ERBB4: variants seen among roughly 807,000 people sequenced by gnomAD.
The protein encoded by ERBB4 is erb-b2 receptor tyrosine kinase 4.
In ERBB4, 42 loss-of-function variants were observed where a neutral mutation model predicts 158.0. The ratio of observed to expected loss-of-function variants is 0.27; its 90% CI spans 0.21 to 0.34. ERBB4 has a LOEUF of 0.34. ERBB4 is among the 10% of genes least tolerant of loss of function. ERBB4 has a pLI of 1.00. For missense variants in ERBB4, 1,333 were observed against 1,624.1 expected, an observed-to-expected ratio of 0.82 and a Z score of 3.08; for synonymous variants, 583 against 558.7, an observed-to-expected ratio of 1.04 and a Z score of -0.61.
chr2:211,597,861 A>G (rs1464360212), intron 19 of ERBB4, among the ~76,000 whole-genome samples: 1 of 152,178 alleles, frequency 6.6e-6, no homozygotes, highest in Admixed American at 6.5e-5. Flanking sequence ...CAGCTTTTTA[A>G]GAGTAACTAA....
At chr2:211,705,058 G>C (rs1374272783) in intron 10 of ERBB4, among the ~76,000 whole-genome samples, 2 of 152,100 alleles carry the variant, frequency 1.3e-5, no homozygotes, top group Non-Finnish European at 2.9e-5. Flanking sequence ...CTGGGTTCAA[G>C]CAATTCTCCT....
intron 25 of ERBB4, among the ~76,000 whole-genome samples, chr2:211,413,984 A>G (rs996347709): frequency 4.6e-5 from 7 of 151,500 alleles, no homozygotes; most frequent in Non-Finnish European, 8.8e-5. Flanking sequence ...CCATTCCCCC[A>G]GTGCATGTGG....
At chr2:211,927,628 T>A (rs1391209801) in intron 3 of ERBB4, among the ~76,000 whole-genome samples, 1 of 152,110 alleles carries the variant, frequency 6.6e-6, no homozygotes, top group Non-Finnish European at 1.5e-5. Flanking sequence ...CAGCCACATA[T>A]GCTTTAAACT....
At chr2:211,939,501 G>A (rs1348031667) in intron 3 of ERBB4, among the ~76,000 whole-genome samples, 1 of 151,914 alleles carries the variant, frequency 6.6e-6, no homozygotes, top group Non-Finnish European at 1.5e-5. Flanking sequence ...AGAACAACAT[G>A]TAGCCTCATT....
chr2:211,494,456 A>G (rs1052319607), intron 20 of ERBB4, among the ~76,000 whole-genome samples: 1 of 152,156 alleles, frequency 6.6e-6, no homozygotes, highest in Admixed American at 6.5e-5. Flanking sequence ...TTTTAAACTA[A>G]TTTGAAATAA....
chr2:212,145,013 G>A (rs1370311765), intron 1 of ERBB4, among the ~76,000 whole-genome samples: 1 of 152,152 alleles, frequency 6.6e-6, no homozygotes, highest in East Asian at 1.9e-4. Flanking sequence ...AGCTTTATGT[G>A]TAATTGAATG....
At chr2:211,915,147 G>A (rs2079651752) in intron 3 of ERBB4, among the ~76,000 whole-genome samples, 1 of 152,020 alleles carries the variant, frequency 6.6e-6, no homozygotes, top group African/African-American at 2.4e-5. Flanking sequence ...TCTGGACTTA[G>A]TCCCAAATAG....
chr2:212,149,171 A>T (rs1487294838), intron 1 of ERBB4, among the ~76,000 whole-genome samples: 2 of 135,254 alleles, frequency 1.5e-5, no homozygotes, highest in African/African-American at 6.4e-5. Context: ...ATAATAATTA[A>T]AAAAAAATTT....
intron 8 of ERBB4, 21 bp from the exon 9 acceptor site, chr2:211,712,197 G>A (rs775545338): frequency 6.2e-7 from 1 of 1,612,708 alleles, no homozygotes; most frequent in African/African-American, 1.3e-5. Flanking sequence ...AAGACTCAGA[G>A]TTAGGGGATT....
chr2:212,039,252 T>G (rs2077084402), intron 2 of ERBB4, among the ~76,000 whole-genome samples: 1 of 152,278 alleles, frequency 6.6e-6, no homozygotes, highest in Admixed American at 6.5e-5. Context: ...GAACTATAAC[T>G]ATGTTTCAGA....
chr2:211,896,516 C>T (rs1356597740), intron 3 of ERBB4, among the ~76,000 whole-genome samples: 1 of 151,982 alleles, frequency 6.6e-6, no homozygotes, highest in Admixed American at 6.6e-5. Context: ...TTTTTTATTA[C>T]TATAGTAGGT....
At chr2:212,105,602 C>T (rs10192870) in intron 2 of ERBB4, among the ~76,000 whole-genome samples, 1,682 of 152,064 alleles carry the variant, frequency 0.011, 25 homozygotes, top group African/African-American at 0.038. Context: ...GCATTTGTGT[C>T]GAAAAATGTT....
At chr2:211,612,502 C>T (rs1404126153) in intron 19 of ERBB4, among the ~76,000 whole-genome samples, 1 of 151,788 alleles carries the variant, frequency 6.6e-6, no homozygotes, top group Non-Finnish European at 1.5e-5. Context: ...AGAAAGCACA[C>T]TTAAGCTGAG....
At position 212,499,610 on chromosome 2, in the gene ERBB4, C is replaced by T. The variant is rs76241448; in HGVS notation, c.82+38839G>A. Among the ~76,000 whole-genome samples the T allele has an allele frequency of 1.4e-3, 217 of 151,992 alleles. 2 individuals carry two copies. The highest frequency in any genetic ancestry group is 2.3e-3 in the Non-Finnish European group (157 of 67,922). On this transcript the variant is annotated intron_variant, in intron 1 of 27. Coordinates refer to ENST00000342788, the MANE Select transcript of ERBB4 (RefSeq NM_005235.3). ...AAATGGAGATAAAGGTACTGGTATACGAAATTTGCCAAAAGATGACTGACA... is the reference window on the plus strand; with the variant it reads ...AAATGGAGATAAAGGTACTGGTATATGAAATTTGCCAAAAGATGACTGACA...
At chr2:212,431,143 GA>G (rs1391902849) in intron 1 of ERBB4, among the ~76,000 whole-genome samples, 3 of 151,512 alleles carry the variant, frequency 2.0e-5, no homozygotes, top group Non-Finnish European at 4.4e-5. Flanking sequence ...CCAGGAGGAC[GA>G]ATGCTACTCA....
intron 19 of ERBB4, among the ~76,000 whole-genome samples, chr2:211,563,405 G>T (rs2067459959): frequency 6.6e-6 from 1 of 152,122 alleles, no homozygotes; most frequent in South Asian, 2.1e-4. Flanking sequence ...GAAAAAATCA[G>T]ACAAATCCAT....
In ERBB4 at chr2:211,690,992, G is replaced by A. The variant is rs540807549; in HGVS notation, c.1489+10975C>T. ...TGTGCTTAGTATTTTGACCTTTACC[G>A]AGAACACTGAACCTGCTTTAACTAA... On this transcript the variant is annotated intron_variant, in intron 12 of 27. Coordinates refer to ENST00000342788, the MANE Select transcript of ERBB4 (RefSeq NM_005235.3). Among the ~76,000 whole-genome samples the A allele has an allele frequency of 9.9e-5, 15 of 151,968 alleles. No homozygotes were observed. The East Asian group carries it at 1.9e-3, about 20-fold the overall frequency.
chr2:211,384,139 GC>G (rs2062635015), intron 27 of ERBB4, 79 bp from the exon 28 acceptor site: 1 of 1,047,916 alleles, frequency 9.5e-7, no homozygotes, highest in Non-Finnish European at 1.5e-6. Context: ...ATAATGGTTA[GC>G]TTCTTTGTCT....
chr2:211,968,973 A>G (rs542539994), intron 2 of ERBB4, among the ~76,000 whole-genome samples: 5 of 152,030 alleles, frequency 3.3e-5, no homozygotes, highest in African/African-American at 1.2e-4. Flanking sequence ...TTTTCTGAAA[A>G]ATGAAAGAAT....
Sources: gnomAD v4.1 joint callset for allele counts (sites outside exome capture counted in the v4.1 genomes callset) on GRCh38, gnomAD v4.1.1 for gene constraint, MANE v1.5 for transcripts, NCBI Gene and HGNC (gene_info 2026-07-23, HGNC 2026-07-21) for gene names.